The following NAPEPLD variants were observed in gnomAD, a reference collection of about 807,000 sequenced individuals.
NAPEPLD encodes N-acyl phosphatidylethanolamine phospholipase D.
In NAPEPLD, 23 loss-of-function variants were observed where a neutral mutation model predicts 38.1. The ratio of observed to expected loss-of-function variants is 0.60; its 90% CI spans 0.43 to 0.86. NAPEPLD has a LOEUF of 0.86. Among genes scored for constraint, NAPEPLD ranks in the 40% least tolerant of loss-of-function variants. NAPEPLD has a pLI of 0.00. For synonymous variants in NAPEPLD, 147 were observed against 162.0 expected, an observed-to-expected ratio of 0.91 and a Z score of 0.71; for missense variants, 411 against 476.8, an observed-to-expected ratio of 0.86 and a Z score of 1.28.
intron 4 of NAPEPLD, among the ~76,000 whole-genome samples, chr7:103,104,310 A>G (rs1018275622): frequency 2.6e-5 from 4 of 152,244 alleles, no homozygotes; most frequent in African/African-American, 9.6e-5. Flanking sequence ...GAGGAACAGC[A>G]GGTAGGTGGT....
chr7:103,109,806 G>C (rs1047644940), intron 4 of NAPEPLD, among the ~76,000 whole-genome samples: 2 of 150,964 alleles, frequency 1.3e-5, no homozygotes, highest in Non-Finnish European at 3.0e-5. Flanking sequence ...ATGAATCCAG[G>C]AGCTGGATTC....
intron 1 of NAPEPLD, among the ~76,000 whole-genome samples, chr7:103,137,083 G>A (rs189453435): frequency 6.6e-6 from 1 of 152,230 alleles, no homozygotes; most frequent in Non-Finnish European, 1.5e-5. Flanking sequence ...GGGATTACAG[G>A]TGCCCGCCAC....
chr7:103,138,470 G>A lies in NAPEPLD; in HGVS notation c.-16-9678C>T, dbSNP rs555919683. 7.4e-5 allele frequency among the ~76,000 whole-genome samples: 4 copies of A among 54,036 alleles called. No homozygotes were observed. In the East Asian group the frequency reaches 4.0e-3, roughly 53 times the overall value. The allele number at this position is 54,036 out of a possible 152,430, so 35.4% of individuals were successfully genotyped here. A position where few individuals can be genotyped will look rare whatever the true frequency, so the allele number is the denominator to read the frequency against. On this transcript the variant is annotated intron_variant, in intron 1 of 4. Transcript: ENST00000465647. ...CACTTTGACTCTACTGAATTCTACA[G>A]CCCTTTTTTTTTTTTGAGTCAGAGT... is the stretch of plus-strand genomic sequence containing the variant.
At chr7:103,134,034 TTATCAA>T (rs1438962165) in intron 1 of NAPEPLD, among the ~76,000 whole-genome samples, 14 of 152,342 alleles carry the variant, frequency 9.2e-5, no homozygotes, top group African/African-American at 3.4e-4. Context: ...AGTAAAAATG[TTATCAA>T]TTATAGTTAG....
At chr7:103,142,908 A>T (rs1811736421) in intron 1 of NAPEPLD, among the ~76,000 whole-genome samples, 1 of 152,114 alleles carries the variant, frequency 6.6e-6, no homozygotes, top group Non-Finnish European at 1.5e-5. Flanking sequence ...AACAGTGGAG[A>T]TCCCCACCAA....
At chr7:103,140,387 CTTTT>C (rs377763676) in intron 1 of NAPEPLD, among the ~76,000 whole-genome samples, 1 of 92,620 alleles carries the variant, frequency 1.1e-5, no homozygotes, top group African/African-American at 4.3e-5. Flanking sequence ...TCACAGAACT[CTTTT>C]TTTTTTTTTT....
chr7:103,132,352 A>C (rs751274713), intron 1 of NAPEPLD, among the ~76,000 whole-genome samples: 7 of 152,326 alleles, frequency 4.6e-5, no homozygotes, highest in Admixed American at 6.5e-5. Flanking sequence ...AAAGCAGAAT[A>C]AATCCAAGAG....
chr7:103,142,598 A>G (rs1413160025), intron 1 of NAPEPLD, among the ~76,000 whole-genome samples: 1 of 151,812 alleles, frequency 6.6e-6, no homozygotes, highest in African/African-American at 2.4e-5. Context: ...AGAAAAAAAG[A>G]AAGTTTGACA....
At chr7:103,144,286 CT>C (rs2129537202) in intron 1 of NAPEPLD, among the ~76,000 whole-genome samples, 1 of 152,236 alleles carries the variant, frequency 6.6e-6, no homozygotes, top group South Asian at 2.1e-4. Context: ...CTCACCTTTT[CT>C]TTTGTTTTGT....
At position 103,103,438 on chromosome 7, in the gene NAPEPLD, T is replaced by C; in HGVS notation, c.1173A>G (p.Glu391=). Residue 391 remains glutamate, a synonymous_variant, in exon 5 of 5, where the codon GAA becomes GAG. Transcript: ENST00000465647. ...CCTGTGCTCACATTTATTAAAAGTT[T>C]TCATCATCATTATTTAGGTATCTTG... ...GESRYLNNDD[E]NF The C allele has an allele frequency of 6.4e-7, 1 of 1,562,676 alleles. No homozygotes were observed. Among genetic ancestry groups the C allele is most frequent in the South Asian group, 1.2e-5 (1 of 80,802 alleles).
At chr7:103,128,284 C>G (rs74813818) in intron 2 of NAPEPLD, 199 bp downstream of exon 2, 18,218 of 605,474 alleles carry the variant, frequency 0.03, 398 homozygotes, top group Non-Finnish European at 0.036. Flanking sequence ...CTGTTCCTAC[C>G]TCTAGTTGCC....
intron 1 of NAPEPLD, among the ~76,000 whole-genome samples, chr7:103,137,814 TCAA>T (rs1173607870): frequency 1.0e-3 from 20 of 19,780 alleles, no homozygotes; most frequent in Admixed American, 5.6e-4. Flanking sequence ...AGATGCTGTC[TCAA>T]AAAAAAAAAA....
chr7:103,125,999 G>T (rs1807714956), intron 2 of NAPEPLD, among the ~76,000 whole-genome samples: 1 of 151,950 alleles, frequency 6.6e-6, no homozygotes, highest in African/African-American at 2.4e-5. Flanking sequence ...TATTAAAATT[G>T]AAAGACATTG....
chr7:103,144,057 T>TA (rs1812050906), intron 1 of NAPEPLD, among the ~76,000 whole-genome samples: 1 of 152,230 alleles, frequency 6.6e-6, no homozygotes, highest in Non-Finnish European at 1.5e-5. Flanking sequence ...ATAGGTGATG[T>TA]AAAAGAGGCT....
chr7:103,119,800 C>T lies in NAPEPLD; in HGVS notation c.718G>A (p.Gly240Arg), dbSNP rs536503294. The T allele has an allele frequency of 1.1e-5, 18 of 1,613,992 alleles. 1 individual carries two copies. The highest frequency in any genetic ancestry group is 5.0e-5 in the Admixed American group (3 of 59,978). Residue 240 changes from glycine to arginine, a missense_variant, in exon 3 of 5, where the codon GGA becomes AGA. Transcript: ENST00000465647. ...AAGACAAAAGTGACCTTATCATGTC[C>T]GGGGACACAATTCTCCTCCCACCAG... is the stretch of plus-strand genomic sequence containing the variant. ...LDWWEENCVP[G>R]HDKVTFVFTP...
intron 1 of NAPEPLD, among the ~76,000 whole-genome samples, chr7:103,137,526 A>G (rs1370523283): frequency 6.6e-6 from 1 of 152,250 alleles, no homozygotes; most frequent in East Asian, 1.9e-4. Context: ...TTTGGAAAAC[A>G]TGCATAAAAT....
At position 103,119,835 on chromosome 7, in the gene NAPEPLD, ATCACATTC is replaced by A. The variant is rs770263480; in HGVS notation, c.675_682del (p.Glu225AspfsTer2). The stretch of plus-strand genomic sequence containing the variant: ...ATTCTCCTCCCACCAGTCCAACTCA[ATCACATTC>A]TCACAGCCACATTTTTGCATCCAGT... On this transcript the variant is annotated frameshift_variant, in exon 3 of 5. Transcript: ENST00000465647. LOFTEE classifies it high-confidence loss of function. 1.2e-6 allele frequency: 2 copies of A among 1,614,162 alleles called. No individual in the cohort carries two copies. Among genetic ancestry groups the A allele is most frequent in the Non-Finnish European group, 1.7e-6 (2 of 1,180,044 alleles).
At chr7:103,147,673 G>A (rs1812847493) in intron 1 of NAPEPLD, among the ~76,000 whole-genome samples, 1 of 152,166 alleles carries the variant, frequency 6.6e-6, no homozygotes, top group South Asian at 2.1e-4. Flanking sequence ...GAATGCTTAT[G>A]CTAAAATGTT....
At chr7:103,117,605 G>A (rs117153850) in intron 3 of NAPEPLD, among the ~76,000 whole-genome samples, 2 of 152,100 alleles carry the variant, frequency 1.3e-5, no homozygotes, top group Non-Finnish European at 2.9e-5. Flanking sequence ...ACTCTCAAGT[G>A]TTATTCAATA....
Sources: allele counts gnomAD v4.1 joint callset (sites outside exome capture counted in the v4.1 genomes callset), GRCh38; gene constraint gnomAD v4.1.1; transcripts MANE v1.5; gene names NCBI Gene and HGNC (gene_info 2026-07-23, HGNC 2026-07-21).